The following SUGCT variants were observed in gnomAD, a reference collection of about 807,000 sequenced individuals.
SUGCT encodes the protein succinyl-CoA:glutarate CoA-transferase.
Under a neutral mutation model 55.0 loss-of-function variants are expected in SUGCT, and 41 were observed. The ratio of observed to expected loss-of-function variants is 0.74; its 90% CI spans 0.58 to 0.97. SUGCT has a LOEUF of 0.97. Ranked by LOEUF, SUGCT falls within the 50% of genes least tolerant of loss-of-function variation. The pLI is 0.00. For synonymous variants in SUGCT, 187 were observed against 200.4 expected, an observed-to-expected ratio of 0.93 and a Z score of 0.56; for missense variants, 568 against 547.8, an observed-to-expected ratio of 1.04 and a Z score of -0.37.
rs1345989134 is a variant in SUGCT, at chr7:40,650,247, A to G, written c.1090-99187A>G. Among the ~76,000 whole-genome samples, 5 of 152,312 alleles carry G rather than the reference A, an allele frequency of 3.3e-5. No homozygotes were observed. The East Asian group carries it at 9.7e-4, about 29-fold the overall frequency. ...AAGAGGGCTGAGACAGAAGCCAATC[A>G]TCTTGTAAGTGACATTATGCTACCT... On this transcript the variant is annotated intron_variant, in intron 12 of 13. Transcript: ENST00000335693.
At chr7:40,208,366 T>C (rs1190241661) in intron 6 of SUGCT, among the ~76,000 whole-genome samples, 6 of 152,096 alleles carry the variant, frequency 3.9e-5, no homozygotes, top group African/African-American at 7.2e-5. Context: ...TGCCACAATT[T>C]TAAAAAGTAG....
chr7:40,136,130 C>T (rs898318530), intron 1 of SUGCT, among the ~76,000 whole-genome samples: 6 of 151,278 alleles, frequency 4.0e-5, no homozygotes, highest in Admixed American at 1.3e-4. Flanking sequence ...CTAGAGTAGC[C>T]GAGATTACAG....
intron 9 of SUGCT, among the ~76,000 whole-genome samples, chr7:40,336,047 C>T (rs984138224): frequency 3.3e-5 from 5 of 152,128 alleles, no homozygotes; most frequent in South Asian, 2.1e-4. Context: ...TGCTGGATTA[C>T]GTTTATTGAT....
At chr7:40,898,594 G>A in the SUGCT span, among the ~76,000 whole-genome samples, 3 of 151,824 alleles carry the variant, frequency 2.0e-5, no homozygotes, top group Non-Finnish European at 4.4e-5. Flanking sequence ...CGAGGTGGTG[G>A]GCGCTTGTAG....
intron 7 of SUGCT, among the ~76,000 whole-genome samples, chr7:40,251,285 A>C (rs557997012): frequency 6.6e-6 from 1 of 152,196 alleles, no homozygotes; most frequent in Non-Finnish European, 1.5e-5. Context: ...GTCAAAGTTT[A>C]CTTCACCTTT....
intron 13 of SUGCT, among the ~76,000 whole-genome samples, chr7:40,807,266 AG>A (rs569386907): frequency 1.8e-3 from 274 of 152,282 alleles, no homozygotes; most frequent in Middle Eastern, 0.017. Context: ...CAGGATGTAC[AG>A]GTTTGTCACA....
chr7:40,859,369 TGA>T lies in SUGCT; in HGVS notation c.1154-946_1154-945del, dbSNP rs1475361961. Among the ~76,000 whole-genome samples the T allele has an allele frequency of 7.9e-5, 12 of 152,332 alleles. No individual in the cohort carries two copies. The South Asian group carries it at 8.3e-4, about 11-fold the overall frequency. ...GACACAGATTTTCATCCAGGCCCTA[TGA>T]TTAGCTATGTGGCCTTGAGCAAAAC... On this transcript the variant is annotated intron_variant, in intron 13 of 13. Coordinates refer to ENST00000335693, the MANE Select transcript of SUGCT (RefSeq NM_001193313.2).
chr7:40,325,048 G>A (rs1795960833), intron 9 of SUGCT, among the ~76,000 whole-genome samples: 1 of 152,114 alleles, frequency 6.6e-6, no homozygotes, highest in Non-Finnish European at 1.5e-5. Flanking sequence ...TTTCTGGTGG[G>A]GACATTATAC....
intron 11 of SUGCT, among the ~76,000 whole-genome samples, chr7:40,488,720 A>G (rs560026578): frequency 3.9e-5 from 6 of 152,246 alleles, no homozygotes; most frequent in Admixed American, 2.6e-4. Flanking sequence ...TTTCTGAAGG[A>G]TAACATGCTG....
chr7:40,749,683 G>A (rs1032394549), intron 13 of SUGCT, among the ~76,000 whole-genome samples, 186 bp downstream of exon 13: 1 of 152,184 alleles, frequency 6.6e-6, no homozygotes, highest in Non-Finnish European at 1.5e-5. Flanking sequence ...ATGGCATTGT[G>A]TCTTAGCTCT....
chr7:40,951,859 T>A, the SUGCT span, among the ~76,000 whole-genome samples: 1 of 152,266 alleles, frequency 6.6e-6, no homozygotes, highest in East Asian at 1.9e-4. Flanking sequence ...TGCTGAGGAG[T>A]GCTTTACTTC....
chr7:40,865,275 T>G (rs535291611), downstream of SUGCT, among the ~76,000 whole-genome samples: 52 of 152,214 alleles, frequency 3.4e-4, no homozygotes, highest in African/African-American at 1.2e-3. Flanking sequence ...GTGTCCGACC[T>G]TCAGAAAAAT....
At chr7:40,477,247 C>G (rs193183539) in intron 11 of SUGCT, among the ~76,000 whole-genome samples, 1 of 151,894 alleles carries the variant, frequency 6.6e-6, no homozygotes, top group African/African-American at 2.4e-5. Flanking sequence ...ATAGAGATAT[C>G]ATCTTTAGGA....
intron 12 of SUGCT, among the ~76,000 whole-genome samples, chr7:40,630,665 A>G (rs908988703): frequency 6.6e-6 from 1 of 152,228 alleles, no homozygotes; most frequent in African/African-American, 2.4e-5. Context: ...ACTGTATGCC[A>G]ATAACTTTCT....
At chr7:40,444,372 A>G (rs937428665) in intron 9 of SUGCT, among the ~76,000 whole-genome samples, 1 of 152,018 alleles carries the variant, frequency 6.6e-6, no homozygotes, top group Non-Finnish European at 1.5e-5. Context: ...ATGTTCTTCC[A>G]TTTGTTTGTG....
At chr7:40,598,831 A>G (rs904848820) in intron 12 of SUGCT, among the ~76,000 whole-genome samples, 1 of 152,220 alleles carries the variant, frequency 6.6e-6, no homozygotes, top group Non-Finnish European at 1.5e-5. Flanking sequence ...CAAACCACAC[A>G]TGTGTGATAC....
the SUGCT span, among the ~76,000 whole-genome samples, chr7:41,012,003 A>C: frequency 6.6e-6 from 1 of 151,788 alleles, no homozygotes; most frequent in Admixed American, 6.6e-5. Context: ...CATATTCCAC[A>C]CTTGCATCTT....
At chr7:40,368,620 ATT>A (rs1277020253) in intron 9 of SUGCT, among the ~76,000 whole-genome samples, 1 of 152,224 alleles carries the variant, frequency 6.6e-6, no homozygotes, top group Admixed American at 6.5e-5. Context: ...AAGCATCTTC[ATT>A]GAACGTATAC....
intron 13 of SUGCT, among the ~76,000 whole-genome samples, chr7:40,772,568 TTATCTATCTGCTATC>T (rs1789207352): frequency 2.1e-5 from 3 of 139,780 alleles, no homozygotes; most frequent in Non-Finnish European, 4.7e-5. Context: ...CTATCTGGTG[TTATCTATCTGCTATC>T]TATCTATCTA....
Sources: allele counts gnomAD v4.1 joint callset (sites outside exome capture counted in the v4.1 genomes callset), GRCh38; gene constraint gnomAD v4.1.1; transcripts MANE v1.5; gene names NCBI Gene and HGNC (gene_info 2026-07-23, HGNC 2026-07-21).